Variants in CDCP1 observed in about 807,000 individuals in gnomAD.
CDCP1 encodes the protein CUB domain containing protein 1.
CDCP1 carries 29 observed loss-of-function variants against 60.2 expected under a neutral mutation model. The observed-to-expected ratio is 0.48, with a 90% CI of 0.36 to 0.66. CDCP1 has a LOEUF of 0.66. Ranked by LOEUF, CDCP1 falls within the 30% of genes least tolerant of loss-of-function variation. The pLI is 0.00. For synonymous variants in CDCP1, 387 were observed against 431.1 expected (o/e 0.90, Z 1.27); for missense variants, 876 against 1,074.3 (o/e 0.82, Z 2.58).
In CDCP1 at chr3:45,085,859, G is replaced by T; in HGVS notation, c.2290C>A (p.Pro764Thr). 1 of 1,614,194 alleles carries T rather than the reference G, an allele frequency of 6.2e-7. No homozygotes were observed. Among genetic ancestry groups the T allele is most frequent in the Non-Finnish European group, 8.5e-7 (1 of 1,180,028 alleles). The change falls in exon 9 of 9, where the codon CCG becomes ACG. Residue 764 changes from proline (P) to threonine (T), a missense_variant. Around this residue, in one of 2 missense-constraint regions of CDCP1, gnomAD observed 726 missense variants for 935.7 expected, o/e 0.78. Coordinates refer to ENST00000296129, the MANE Select transcript of CDCP1 (RefSeq NM_022842.5). The surrounding 1 kb of genome is among the most constrained non-coding windows in gnomAD (Gnocchi z 4.2). ...FLQPEVDTYR[P>T]FQGTMGVCPP... Reference sequence around the variant, plus strand: ...CAGACCCCCATGGTGCCCTGGAACGGCCGGTAGGTGTCCACCTCTGGCTGC... The same window carrying T: ...CAGACCCCCATGGTGCCCTGGAACGTCCGGTAGGTGTCCACCTCTGGCTGC...
chr3:45,112,480 G>C (rs778972598), intron 2 of CDCP1, 35 bp from the exon 3 acceptor site: 1 of 1,592,680 alleles, frequency 6.3e-7, no homozygotes, highest in Non-Finnish European at 8.6e-7. Flanking sequence ...TTTGATCACA[G>C]ATGCTCCAAG....
intron 4 of CDCP1, among the ~76,000 whole-genome samples, chr3:45,103,824 C>T (rs998325862): frequency 2.0e-5 from 3 of 152,204 alleles, no homozygotes; most frequent in African/African-American, 7.2e-5. Flanking sequence ...GATGCTGGTG[C>T]CATGCTTCTT....
intron 1 of CDCP1, among the ~76,000 whole-genome samples, chr3:45,142,330 C>T (rs910525392): frequency 3.3e-5 from 5 of 152,134 alleles, no homozygotes; most frequent in South Asian, 2.1e-4. Flanking sequence ...TAGGCAAAAA[C>T]GCAGGTGAGG....
intron 1 of CDCP1, among the ~76,000 whole-genome samples, chr3:45,126,142 C>CT (rs1553611007): frequency 7.1e-6 from 1 of 140,066 alleles, no homozygotes; most frequent in South Asian, 2.4e-4. Flanking sequence ...TTCTTTCTTT[C>CT]TTTCTTTCTT....
Position 45,110,833 on chromosome 3 carries a change from T to G in CDCP1, c.664A>C (p.Ile222Leu), listed in dbSNP as rs962533753. ...TCACCCTCAAACACAGACTCGATGA[T>G]GCACAGACCTAGTGGGAGTGGAACC... ...ANRSSIKRLC[I>L]IESVFEGEGS... is the part of the protein sequence containing the mutation. The change falls in exon 4 of 9, where the codon ATC (isoleucine) becomes CTC (leucine). Residue 222 changes from isoleucine (I) to leucine (L), a missense_variant. Physicochemically the swap from Ile to Leu is conservative, Grantham distance 5. Transcript: ENST00000296129. The G allele has an allele frequency of 6.2e-7, 1 of 1,612,056 alleles. No individual in the cohort carries two copies. Among genetic ancestry groups the G allele is most frequent in the African/African-American group, 1.3e-5 (1 of 74,878 alleles).
At chr3:45,134,829 G>T (rs1699166540) in intron 1 of CDCP1, among the ~76,000 whole-genome samples, 1 of 152,170 alleles carries the variant, frequency 6.6e-6, no homozygotes, top group Non-Finnish European at 1.5e-5. Flanking sequence ...GAGGGCCCAG[G>T]GCAGCTTCCA....
At chr3:45,144,007 T>C (rs983802460) in intron 1 of CDCP1, among the ~76,000 whole-genome samples, 6 of 152,204 alleles carry the variant, frequency 3.9e-5, no homozygotes, top group Non-Finnish European at 5.9e-5. Context: ...GGTGGCAAGA[T>C]TGGGGTCACT....
chr3:45,126,134 C>CT, intron 1 of CDCP1, among the ~76,000 whole-genome samples: 2 of 136,690 alleles, frequency 1.5e-5, no homozygotes, highest in East Asian at 4.1e-4. Context: ...TTCTTTCTTT[C>CT]TTTCTTTCTT....
At chr3:45,130,664 C>A (rs902534356) in intron 1 of CDCP1, among the ~76,000 whole-genome samples, 9 of 152,194 alleles carry the variant, frequency 5.9e-5, no homozygotes, top group Admixed American at 2.0e-4. Flanking sequence ...GTTTGCACAA[C>A]TCTGAAAATT....
intron 7 of CDCP1, among the ~76,000 whole-genome samples, chr3:45,090,697 C>T (rs1698278673): frequency 6.6e-6 from 1 of 152,156 alleles, no homozygotes; most frequent in Non-Finnish European, 1.5e-5. Flanking sequence ...GAGTTCCTAA[C>T]CTAAAAGTAT....
chr3:45,117,062 C>T (rs916020157), intron 2 of CDCP1, among the ~76,000 whole-genome samples: 3 of 152,102 alleles, frequency 2.0e-5, no homozygotes, highest in African/African-American at 4.8e-5. Flanking sequence ...TGGTATTAGT[C>T]ATTAAGTGTA....
intron 1 of CDCP1, 117 bp downstream of exon 1, chr3:45,146,089 T>TCTCCGCACCCTCCGCACCCTCCGCACC (rs142688846): frequency 8.2e-6 from 7 of 852,108 alleles, no homozygotes; most frequent in East Asian, 3.3e-5. Flanking sequence ...CCCCGCCCTC[T>TCTCCGCACCCTCCGCACCCTCCGCACC]CTCCGCACCC....
At chr3:45,089,255 A>T in intron 7 of CDCP1, 114 bp from the exon 8 acceptor site, 1 of 768,262 alleles carries the variant, frequency 1.3e-6, no homozygotes, top group East Asian at 2.7e-5. Context: ...AGCGCCATAC[A>T]TGTGGCTCCT....
chr3:45,089,014 G>T, intron 8 of CDCP1, 40 bp downstream of exon 8: 1 of 1,429,828 alleles, frequency 7.0e-7, no homozygotes, highest in Non-Finnish European at 9.9e-7. Flanking sequence ...GATCTGAGGA[G>T]GCATCAAATC....
intron 4 of CDCP1, among the ~76,000 whole-genome samples, chr3:45,100,914 G>A (rs1352890660): frequency 1.3e-5 from 2 of 152,208 alleles, no homozygotes; most frequent in African/African-American, 4.8e-5. Flanking sequence ...GTGTAAATCA[G>A]CTGAGGCTAA....
At chr3:45,092,862 C>G (rs1480594500) in intron 6 of CDCP1, among the ~76,000 whole-genome samples, 1 of 152,244 alleles carries the variant, frequency 6.6e-6, no homozygotes, top group East Asian at 1.9e-4. Context: ...GCTCCTCCCT[C>G]TGTGCTCTCG....
At chr3:45,098,527 TC>T (rs1698438929) in intron 4 of CDCP1, among the ~76,000 whole-genome samples, 1 of 152,076 alleles carries the variant, frequency 6.6e-6, no homozygotes, top group Non-Finnish European at 1.5e-5. Context: ...TCTTTCAGTT[TC>T]AGGCACTGTC....
Position 45,118,994 on chromosome 3 carries a change from A to C in CDCP1, c.83-373T>G, listed in dbSNP as rs1698838768. 1.3e-5 allele frequency among the ~76,000 whole-genome samples: 2 copies of C among 152,194 alleles called. 1 individual carries two copies. The highest frequency in any genetic ancestry group is 4.1e-4 in the South Asian group (2 of 4,824). On this transcript the variant is annotated intron_variant, in intron 1 of 8. Coordinates refer to ENST00000296129, the MANE Select transcript of CDCP1 (RefSeq NM_022842.5). ...AACATGACAGTAGAACAAAGTCTAC[A>C]CACAGAAACCATCCATCATAGGGAG...
rs745989786 is a variant in CDCP1, at chr3:45,118,617, A to G, written c.87T>C (p.Ala29=). The G allele has an allele frequency of 6.2e-7, 1 of 1,613,680 alleles. No homozygotes were observed. The highest frequency in any genetic ancestry group is 8.5e-7 in the Non-Finnish European group (1 of 1,179,938). ...GAARLPRGAE[A]FEIALPRESN... ...TTTCTCGTGGCAGAGCAATCTCAAA[A>G]GCTTCTGAAGGAAGGAAGGAAAATG... The change falls in exon 2 of 9, where the codon GCT becomes GCC. Residue 29 remains alanine, a synonymous_variant. Transcript: ENST00000296129.
Sources: gnomAD v4.1 joint callset for allele counts (sites outside exome capture counted in the v4.1 genomes callset) on GRCh38, gnomAD v4.1.1 for gene constraint, gnomAD v4.1.1 regional missense constraint, Gnocchi (gnomAD v3.1) non-coding constraint, MANE v1.5 for transcripts, NCBI Gene and HGNC (gene_info 2026-07-23, HGNC 2026-07-21) for gene names.